Variants in PTH2R observed in about 807,000 individuals in gnomAD.
PTH2R encodes parathyroid hormone 2 receptor, also known as PTH2 receptor.
A neutral mutation model predicts 60.3 loss-of-function variants in PTH2R; 59 were observed. The ratio of observed to expected loss-of-function variants is 0.98; its 90% CI spans 0.79 to 1.22. PTH2R has a LOEUF of 1.22. PTH2R is among the 50% of genes most tolerant of loss of function. The pLI, the probability that PTH2R is intolerant of heterozygous loss-of-function variation, is 0.00. For synonymous variants in PTH2R, 256 were observed against 243.8 expected, an observed-to-expected ratio of 1.05 and a Z score of -0.47; for missense variants, 749 against 682.6, an observed-to-expected ratio of 1.10 and a Z score of -1.08.
intron 9 of PTH2R, among the ~76,000 whole-genome samples, chr2:208,468,784 A>AGGG (rs1702813482): frequency 1.3e-5 from 2 of 152,196 alleles, no homozygotes; most frequent in Non-Finnish European, 2.9e-5. Context: ...TCATTGTTGA[A>AGGG]TGTCCATCTT....
intron 2 of PTH2R, among the ~76,000 whole-genome samples, chr2:208,429,980 C>T (rs574340154): frequency 9.9e-5 from 15 of 152,260 alleles, no homozygotes; most frequent in African/African-American, 3.6e-4. Flanking sequence ...GTCTGTTTCA[C>T]CAGCTCTTCC....
At chr2:208,441,620 A>G (rs1023919054) in intron 4 of PTH2R, among the ~76,000 whole-genome samples, 7 of 152,246 alleles carry the variant, frequency 4.6e-5, no homozygotes, top group Non-Finnish European at 1.0e-4. Flanking sequence ...TGACAAAATT[A>G]TAGAGACAGA....
chr2:208,492,899 C>T (rs978501225), intron 12 of PTH2R, among the ~76,000 whole-genome samples: 5 of 152,050 alleles, frequency 3.3e-5, no homozygotes, highest in Non-Finnish European at 5.9e-5. Flanking sequence ...ATGTGCCACG[C>T]GAGAGTTCTG....
chr2:208,482,696 T>C lies in PTH2R; in HGVS notation c.1076+1532T>C, dbSNP rs537408723. The stretch of plus-strand genomic sequence containing the variant: ...GAGGAAGTGAAGCTAGACAACCGGT[T>C]AGACCAGAAATTCTCAGAAGGGAGT... On this transcript the variant is annotated intron_variant, in intron 10 of 12. Transcript: ENST00000272847. 7.9e-5 allele frequency among the ~76,000 whole-genome samples: 12 copies of C among 152,298 alleles called. 3 individuals carry two copies. Among genetic ancestry groups the C allele is most frequent in the African/African-American group, 2.9e-4 (12 of 41,578 alleles).
At chr2:208,453,111 A>G (rs1051043124) in intron 8 of PTH2R, among the ~76,000 whole-genome samples, 2 of 152,190 alleles carry the variant, frequency 1.3e-5, no homozygotes, top group Non-Finnish European at 2.9e-5. Flanking sequence ...TCTTATCTTC[A>G]CTATGTCTAG....
At chr2:208,389,103 CAG>C (rs1377699679) in intron 1 of PTH2R, among the ~76,000 whole-genome samples, 1 of 152,080 alleles carries the variant, frequency 6.6e-6, no homozygotes, top group Non-Finnish European at 1.5e-5. Context: ...ATTTAAGCAT[CAG>C]AGAGTATTAC....
chr2:208,450,254 G>C (rs1702376646), intron 7 of PTH2R, among the ~76,000 whole-genome samples: 1 of 152,206 alleles, frequency 6.6e-6, no homozygotes, highest in Non-Finnish European at 1.5e-5. Context: ...TAAAAGAAGA[G>C]ACTAAACTGG....
intron 10 of PTH2R, among the ~76,000 whole-genome samples, chr2:208,488,396 A>G (rs1182804345): frequency 6.6e-6 from 1 of 152,258 alleles, no homozygotes; most frequent in Non-Finnish European, 1.5e-5. Flanking sequence ...AACTACTTCT[A>G]TGAAAGTAAA....
At chr2:208,461,911 C>T (rs1702642579) in intron 9 of PTH2R, among the ~76,000 whole-genome samples, 1 of 152,204 alleles carries the variant, frequency 6.6e-6, no homozygotes, top group African/African-American at 2.4e-5. Context: ...GAAGTGATGG[C>T]ACACTCAATA....
chr2:208,466,989 T>G (rs1169099987), intron 9 of PTH2R, among the ~76,000 whole-genome samples: 2 of 152,262 alleles, frequency 1.3e-5, no homozygotes, highest in African/African-American at 4.8e-5. Context: ...GTAAATTGAT[T>G]TTGTTCTTAT....
At chr2:208,438,657 A>G (rs79915418) in intron 4 of PTH2R, among the ~76,000 whole-genome samples, 4,844 of 152,312 alleles carry the variant, frequency 0.032, 120 homozygotes, top group Non-Finnish European at 0.047. Context: ...TGATATATGC[A>G]TATGATGCTA....
chr2:208,395,293 C>T (rs1021546957), intron 1 of PTH2R, among the ~76,000 whole-genome samples: 7 of 152,020 alleles, frequency 4.6e-5, no homozygotes, highest in East Asian at 1.9e-4. Flanking sequence ...ATGATCCACC[C>T]GCCTCAGCCT....
intron 4 of PTH2R, among the ~76,000 whole-genome samples, chr2:208,441,054 G>C (rs1240888972): frequency 6.6e-6 from 1 of 152,182 alleles, no homozygotes; most frequent in Non-Finnish European, 1.5e-5. Context: ...CCCTAGAGAT[G>C]CATAGTTCCC....
At chr2:208,365,327 A>T (rs1898436) in intron 1 of PTH2R, among the ~76,000 whole-genome samples, 1 of 152,026 alleles carries the variant, frequency 6.6e-6, no homozygotes, top group Non-Finnish European at 1.5e-5. Flanking sequence ...TATTATGTGC[A>T]GGTAATTTCC....
chr2:208,427,215 A>T (rs1439794220), intron 1 of PTH2R, among the ~76,000 whole-genome samples: 1 of 152,216 alleles, frequency 6.6e-6, no homozygotes, highest in Admixed American at 6.5e-5. Context: ...TAACTGAAAA[A>T]AACAGCCAGG....
chr2:208,460,237 G>A (rs1398146666), intron 9 of PTH2R, among the ~76,000 whole-genome samples: 1 of 152,064 alleles, frequency 6.6e-6, no homozygotes, highest in Non-Finnish European at 1.5e-5. Context: ...GGAGTTGGAA[G>A]GCCCTATGTC....
At chr2:208,442,610 A>G in intron 5 of PTH2R, 149 bp downstream of exon 5, 1 of 658,608 alleles carries the variant, frequency 1.5e-6, no homozygotes, top group Non-Finnish European at 2.6e-6. Context: ...TTTGACAATT[A>G]ATTTTTCATG....
chr2:208,416,034 T>G (rs1171630650), intron 1 of PTH2R, among the ~76,000 whole-genome samples: 5 of 152,198 alleles, frequency 3.3e-5, no homozygotes, highest in African/African-American at 1.2e-4. Context: ...TTTAAGGGGT[T>G]TTCCTTGGCC....
intron 1 of PTH2R, among the ~76,000 whole-genome samples, chr2:208,420,862 A>T (rs1389438442): frequency 6.6e-6 from 1 of 152,206 alleles, no homozygotes; most frequent in Non-Finnish European, 1.5e-5. Flanking sequence ...GTAAAGTTGC[A>T]TGTGATCACC....
Sources: allele counts gnomAD v4.1 joint callset (sites outside exome capture counted in the v4.1 genomes callset), GRCh38; gene constraint gnomAD v4.1.1; transcripts MANE v1.5; gene names NCBI Gene and HGNC (gene_info 2026-07-23, HGNC 2026-07-21).